Variants in AMMECR1 observed in about 807,000 individuals in gnomAD.
AMMECR1 encodes AMMECR nuclear protein 1.
Under a neutral mutation model 22.5 loss-of-function variants are expected in AMMECR1, and 3 were observed. That is an observed-to-expected ratio of 0.13 (90% confidence interval 0.06 to 0.35). AMMECR1 has a LOEUF of 0.35. Among genes scored for constraint, AMMECR1 ranks in the 10% least tolerant of loss-of-function variants. The pLI is 1.00. For synonymous variants in AMMECR1, 130 were observed against 116.7 expected (o/e 1.11, Z -0.74); for missense variants, 235 against 278.7 (o/e 0.84, Z 1.12).
At chrX:110,225,288 T>A (rs1602794984) in intron 2 of AMMECR1, among the ~76,000 whole-genome samples, 1 of 112,553 alleles carries the variant, frequency 8.9e-6, no homozygotes, top group Middle Eastern at 4.6e-3. Context: ...GATTAGATTA[T>A]TTTTGTTTTC....
At chrX:110,318,202 C>T, upstream of AMMECR1, 8 of 453,291 alleles carry the variant, frequency 1.8e-5, no homozygotes, top group Non-Finnish European at 2.2e-5. Flanking sequence ...GCGCCGCTCC[C>T]GGCCCCGTCT....
Position 110,264,445 on chromosome X carries a change from T to A in AMMECR1, c.584+44A>T, listed in dbSNP as rs1365910726. ...TATCAGATTCAAGTTTCATAAGTTT[T>A]TTTTTTTAATGTAAAAGCAGAGGTA... On this transcript the variant is annotated intron_variant, in intron 2 of 5. Transcript: ENST00000262844. 6.6e-6 allele frequency: 5 copies of A among 758,863 alleles called. No homozygotes were observed. In the African/African-American group the frequency reaches 1.1e-4, roughly 16 times the overall value. 62.5% of individuals were successfully genotyped at this position (758,863 alleles called of 1,213,427 possible). A position where few individuals can be genotyped will look rare whatever the true frequency, so the allele number is the denominator to read the frequency against.
At chrX:110,378,266 A>C (rs776457421) in intron 2 of AMMECR1, among the ~76,000 whole-genome samples, 1 of 111,136 alleles carries the variant, frequency 9.0e-6, no homozygotes, top group African/African-American at 3.3e-5. Context: ...TTATTTTAAT[A>C]GATGTTTATT....
intron 2 of AMMECR1, 54 bp from the exon 3 acceptor site, chrX:110,216,686 T>G (rs773019511): frequency 1.3e-6 from 1 of 775,116 alleles, no homozygotes; most frequent in Admixed American, 2.8e-5. Context: ...AAGTTCCCAA[T>G]TTCAAATGCA....
At chrX:110,233,669 G>C (rs765466149) in intron 2 of AMMECR1, among the ~76,000 whole-genome samples, 1 of 112,139 alleles carries the variant, frequency 8.9e-6, no homozygotes, top group Non-Finnish European at 1.9e-5. Flanking sequence ...ATGCAAGGCT[G>C]GTTCAACATA....
intron 2 of AMMECR1, among the ~76,000 whole-genome samples, chrX:110,396,377 CAT>C (rs1350392093): frequency 2.3e-4 from 26 of 111,860 alleles, no homozygotes; most frequent in Admixed American, 1.7e-3. Flanking sequence ...CTTTACCCCA[CAT>C]GTTTCATTAT....
At chrX:110,365,224 G>GACTT (rs2148254300) in intron 2 of AMMECR1, among the ~76,000 whole-genome samples, 1 of 111,810 alleles carries the variant, frequency 8.9e-6, no homozygotes, top group African/African-American at 3.2e-5. Flanking sequence ...CTTTATAGCA[G>GACTT]ACTTACTGAG....
intron 2 of AMMECR1, among the ~76,000 whole-genome samples, chrX:110,344,538 A>G (rs1413041185): frequency 9.0e-6 from 1 of 111,463 alleles, no homozygotes; most frequent in East Asian, 2.8e-4. Flanking sequence ...AAAAGAAACT[A>G]CCATCAGAGT....
intron 1 of AMMECR1, among the ~76,000 whole-genome samples, chrX:110,276,364 C>T (rs764313384): frequency 2.7e-5 from 3 of 111,413 alleles, no homozygotes; most frequent in African/African-American, 9.8e-5. Context: ...TCTGTTTCTA[C>T]GGATTGGCTT....
At chrX:110,361,164 G>A (rs1007418227) in intron 2 of AMMECR1, among the ~76,000 whole-genome samples, 5 of 110,843 alleles carry the variant, frequency 4.5e-5, no homozygotes, top group Non-Finnish European at 7.6e-5. Flanking sequence ...AGTCTTCCCC[G>A]TCTCCCTAAA....
chrX:110,402,282 GT>G (rs1318873482), intron 2 of AMMECR1, among the ~76,000 whole-genome samples: 1 of 113,090 alleles, frequency 8.8e-6, no homozygotes, highest in Non-Finnish European at 1.9e-5. Context: ...ATAAATATTT[GT>G]TTTTTGCCTA....
chrX:110,307,675 C>T (rs2068003566), intron 1 of AMMECR1, among the ~76,000 whole-genome samples: 1 of 110,286 alleles, frequency 9.1e-6, no homozygotes, highest in African/African-American at 3.3e-5. Context: ...AGAGTGGCTA[C>T]ATTTATGCTG....
intron 2 of AMMECR1, among the ~76,000 whole-genome samples, chrX:110,344,934 T>C (rs1602914416): frequency 8.9e-6 from 1 of 112,431 alleles, no homozygotes; most frequent in African/African-American, 3.2e-5. Flanking sequence ...GAAGACACTG[T>C]GGCAATTCCT....
chrX:110,259,981 G>A (rs2067731689), intron 2 of AMMECR1, among the ~76,000 whole-genome samples: 1 of 111,403 alleles, frequency 9.0e-6, no homozygotes, highest in Non-Finnish European at 1.9e-5. Flanking sequence ...TTGGGGAAAT[G>A]AATCTGCCTC....
intron 2 of AMMECR1, among the ~76,000 whole-genome samples, chrX:110,363,312 G>A (rs1286236172): frequency 1.8e-5 from 2 of 111,924 alleles, no homozygotes; most frequent in East Asian, 5.6e-4. Context: ...AGGGAATAGG[G>A]CCACCAACTC....
chrX:110,329,291 C>T (rs763712480), intron 2 of AMMECR1, among the ~76,000 whole-genome samples: 23 of 111,934 alleles, frequency 2.1e-4, no homozygotes, highest in Admixed American at 1.1e-3. Flanking sequence ...TCATATCCTT[C>T]GCCCACTTTT....
At chrX:110,319,465 T>A (rs1312119299), upstream of AMMECR1, among the ~76,000 whole-genome samples, 2 of 112,186 alleles carry the variant, frequency 1.8e-5, no homozygotes, top group Non-Finnish European at 3.8e-5. Context: ...TGCACCATAC[T>A]ATGTGCACAA....
At chrX:110,259,863 G>A (rs1602837136) in intron 2 of AMMECR1, among the ~76,000 whole-genome samples, 1 of 111,251 alleles carries the variant, frequency 9.0e-6, no homozygotes, top group Middle Eastern at 4.6e-3. Flanking sequence ...GATTACAGGC[G>A]TGAGCCACCG....
intron 1 of AMMECR1, among the ~76,000 whole-genome samples, chrX:110,301,139 C>T (rs780132583): frequency 3.6e-5 from 4 of 112,325 alleles, no homozygotes; most frequent in African/African-American, 1.3e-4. Context: ...TTTGTTGTTA[C>T]TGTTTGTTTA....
Sources: gnomAD v4.1 joint callset for allele counts (sites outside exome capture counted in the v4.1 genomes callset) on GRCh38, gnomAD v4.1.1 for gene constraint, MANE v1.5 for transcripts, NCBI Gene and HGNC (gene_info 2026-07-23, HGNC 2026-07-21) for gene names.